The following CBR4 variants were observed in gnomAD, a reference collection of about 807,000 sequenced individuals.
The protein encoded by CBR4 is 3-oxoacyl-[acyl-carrier-protein] reductase.
CBR4 carries 22 observed loss-of-function variants against 21.0 expected under a neutral mutation model. That is an observed-to-expected ratio of 1.05 (90% CI 0.75 to 1.50). CBR4 has a LOEUF of 1.50. Among genes scored for constraint, CBR4 ranks in the 40% most tolerant of loss-of-function variants. The pLI, the probability that CBR4 is intolerant of heterozygous loss-of-function variation, is 0.00. For missense variants in CBR4, 302 were observed against 286.3 expected, an observed-to-expected ratio of 1.05 and a Z score of -0.40; for synonymous variants, 100 against 104.4, an observed-to-expected ratio of 0.96 and a Z score of 0.26.
intron 2 of CBR4, among the ~76,000 whole-genome samples, chr4:168,969,415 A>T (rs1314467994): frequency 2.6e-5 from 4 of 152,246 alleles, no homozygotes; most frequent in East Asian, 1.9e-4. Flanking sequence ...GGCTCATGGG[A>T]TTTTGCAAAT....
At chr4:168,917,365 AC>A (rs1366782033) in intron 2 of CBR4, among the ~76,000 whole-genome samples, 2 of 151,962 alleles carry the variant, frequency 1.3e-5, no homozygotes, top group African/African-American at 2.4e-5. Context: ...AGGCTTTTTA[AC>A]CCAAGGTCCT....
intron 2 of CBR4, chr4:168,924,500 G>T: frequency 7.6e-7 from 1 of 1,320,338 alleles, no homozygotes; most frequent in Admixed American, 1.7e-5. Context: ...ATATAGCATG[G>T]AAATCTATGT....
At chr4:168,901,795 T>G (rs927976879) in intron 2 of CBR4, among the ~76,000 whole-genome samples, 5 of 152,100 alleles carry the variant, frequency 3.3e-5, no homozygotes, top group African/African-American at 1.2e-4. Context: ...GAGGCAGAAA[T>G]TGCAGTGAGC....
downstream of CBR4, among the ~76,000 whole-genome samples, chr4:168,986,072 G>A (rs1371323239): frequency 1.3e-5 from 2 of 148,262 alleles, no homozygotes; most frequent in Non-Finnish European, 3.0e-5. Context: ...AAGTTGGAAA[G>A]GAAAAAAAAG....
At chr4:168,954,571 G>T (rs1763631889) in intron 2 of CBR4, among the ~76,000 whole-genome samples, 1 of 152,114 alleles carries the variant, frequency 6.6e-6, no homozygotes, top group Non-Finnish European at 1.5e-5. Context: ...TTTGGAGGGG[G>T]TACTTAAACC....
intron 4 of CBR4, among the ~76,000 whole-genome samples, chr4:168,994,923 T>C (rs1343492151): frequency 1.3e-5 from 2 of 151,892 alleles, no homozygotes; most frequent in Non-Finnish European, 2.9e-5. Flanking sequence ...CCAGGCTAAT[T>C]TTGTATTTTT....
chr4:169,002,185 CT>C lies in CBR4; in HGVS notation c.420del (p.Gly141AlafsTer15). On this transcript the variant is annotated frameshift_variant, in exon 4 of 5. Coordinates refer to ENST00000306193, the MANE Select transcript of CBR4 (RefSeq NM_032783.5). LOFTEE classifies it high-confidence loss of function. ...CTGTAAACGGACTGGCCAGAGTTGC[CT>C]TTTAAGCCAACAATGCTTCCTAGGA... ...IVNVGSIVGL[K>X]GNSGQSVYSA... is the part of the protein sequence containing the mutation. 7.9e-7 allele frequency: 1 copy of C among 1,270,978 alleles called. No homozygotes were observed. Among genetic ancestry groups the C allele is most frequent in the Non-Finnish European group, 1.0e-6 (1 of 955,742 alleles). The allele number at this position is 1,270,978 out of a possible 1,614,324, so 78.7% of individuals were successfully genotyped here.
At chr4:168,945,557 T>C (rs1342352556) in intron 2 of CBR4, among the ~76,000 whole-genome samples, 1 of 152,060 alleles carries the variant, frequency 6.6e-6, no homozygotes, top group Admixed American at 6.5e-5. Flanking sequence ...CAGCCTCACT[T>C]GATTTGTTCA....
intron 2 of CBR4, chr4:168,927,127 A>C (rs1338419380): frequency 1.8e-5 from 4 of 227,164 alleles, no homozygotes; most frequent in Non-Finnish European, 2.6e-5. Flanking sequence ...AATATATTAC[A>C]GTTCATTCCA....
chr4:168,924,801 TAGTAATCTCTACAG>T (rs1762261832), intron 2 of CBR4: 1 of 780,240 alleles, frequency 1.3e-6, no homozygotes, highest in African/African-American at 1.7e-5. Flanking sequence ...TTAATGGAGC[TAGTAATCTCTACAG>T]AATAAGTATG....
chr4:168,895,424 T>C (rs1306729147), intron 2 of CBR4, among the ~76,000 whole-genome samples: 1 of 152,196 alleles, frequency 6.6e-6, no homozygotes, highest in African/African-American at 2.4e-5. Context: ...CTTTTGACTC[T>C]TCAAAAACTT....
chr4:168,921,487 ACT>A (rs1037012215), intron 2 of CBR4: 10 of 1,305,696 alleles, frequency 7.7e-6, no homozygotes, highest in Non-Finnish European at 1.1e-5. Context: ...CAGTGATTTC[ACT>A]CTGTTTTAAT....
intron 2 of CBR4, among the ~76,000 whole-genome samples, chr4:168,960,359 A>C (rs1763813180): frequency 6.6e-6 from 1 of 152,224 alleles, no homozygotes; most frequent in Non-Finnish European, 1.5e-5. Context: ...GGAACCATAT[A>C]ACAAATACTA....
chr4:168,954,665 CCAAA>C (rs933297005), intron 2 of CBR4, among the ~76,000 whole-genome samples: 3 of 152,038 alleles, frequency 2.0e-5, no homozygotes, highest in African/African-American at 7.3e-5. Context: ...ATTTTGTCTC[CCAAA>C]CACATTTTTT....
intron 2 of CBR4, chr4:168,924,151 TATC>T (rs1227341147): frequency 2.0e-5 from 20 of 986,990 alleles, no homozygotes; most frequent in Middle Eastern, 2.9e-4. Flanking sequence ...TAAAAAATGG[TATC>T]ATAAAAGATC....
intron 2 of CBR4, among the ~76,000 whole-genome samples, chr4:168,977,868 C>CCACT (rs1764419229): frequency 6.6e-6 from 1 of 152,156 alleles, no homozygotes; most frequent in African/African-American, 2.4e-5. Flanking sequence ...TCTCATTTGA[C>CCACT]CACTTGTCTC....
rs111298826 is a variant in CBR4 at position 168,930,112 on chromosome 4, C to G, written n.170-35347G>C. 9.9e-4 allele frequency among the ~76,000 whole-genome samples: 150 copies of G among 152,238 alleles called. 1 individual carries two copies. The highest frequency in any genetic ancestry group is 3.5e-3 in the African/African-American group (144 of 41,540). On this transcript the variant is annotated intron_variant and non_coding_transcript_variant, in intron 2 of 3. Transcript: ENST00000509108. The stretch of plus-strand genomic sequence containing the variant: ...AATCCATCTAAATTCAGCATTACTT[C>G]AAAATTATGGCAGTTGTTAGAGTTA...
chr4:168,906,554 A>G (rs111821753), intron 2 of CBR4, among the ~76,000 whole-genome samples: 2 of 152,206 alleles, frequency 1.3e-5, no homozygotes, highest in Non-Finnish European at 2.9e-5. Flanking sequence ...TCCATATTAC[A>G]TACATATAAT....
At chr4:168,930,149 A>G (rs934489230) in intron 2 of CBR4, among the ~76,000 whole-genome samples, 3 of 152,206 alleles carry the variant, frequency 2.0e-5, no homozygotes, top group Non-Finnish European at 2.9e-5. Flanking sequence ...CAATAGATGT[A>G]ATTTATAGGC....
Sources: gnomAD v4.1 joint callset for allele counts (sites outside exome capture counted in the v4.1 genomes callset) on GRCh38, gnomAD v4.1.1 for gene constraint, MANE v1.5 for transcripts, NCBI Gene and HGNC (gene_info 2026-07-23, HGNC 2026-07-21) for gene names.